Variants in CNOT1 observed in about 807,000 individuals in gnomAD.
CNOT1 encodes CCR4-associated factor 1.
In CNOT1, 15 loss-of-function variants were observed where a neutral mutation model predicts 273.8. The observed-to-expected ratio is 0.05, with a 90% CI of 0.04 to 0.08. CNOT1 has a LOEUF of 0.08. Among genes scored for constraint, CNOT1 ranks in the 10% least tolerant of loss-of-function variants. The pLI is 1.00. For synonymous variants in CNOT1, 1,022 were observed against 1,005.5 expected, an observed-to-expected ratio of 1.02 and a Z score of -0.31; for missense variants, 1,644 against 2,912.2, an observed-to-expected ratio of 0.56 and a Z score of 10.02.
At chr16:58,581,240 C>T in intron 11 of CNOT1, 105 bp downstream of exon 11, 1 of 1,346,440 alleles carries the variant, frequency 7.4e-7, no homozygotes. Flanking sequence ...CTATGTATAA[C>T]AAATTCTACT....
chr16:58,560,103 G>A (rs1451514432), intron 17 of CNOT1, 109 bp downstream of exon 17: 7 of 1,534,066 alleles, frequency 4.6e-6, no homozygotes, highest in African/African-American at 1.4e-5. Flanking sequence ...TGCTAGACAT[G>A]CAGTTATCTA....
At chr16:58,601,202 T>A (rs998136494) in intron 1 of CNOT1, among the ~76,000 whole-genome samples, 5 of 152,192 alleles carry the variant, frequency 3.3e-5, no homozygotes, top group Admixed American at 6.6e-5. Context: ...GCGATCCACC[T>A]GCTTCGGCCT....
intron 42 of CNOT1, chr16:58,530,558 G>A (rs2039746305): frequency 2.8e-6 from 1 of 358,924 alleles, no homozygotes; most frequent in Non-Finnish European, 5.0e-6. Flanking sequence ...CAAGGCCAGT[G>A]GATCACTTGA....
chr16:58,616,219 C>A (rs536079056), intron 1 of CNOT1, among the ~76,000 whole-genome samples: 2 of 125,376 alleles, frequency 1.6e-5, no homozygotes, highest in African/African-American at 5.4e-5. Flanking sequence ...CAATTCTCTG[C>A]CTCAGCCTCC....
intron 30 of CNOT1, among the ~76,000 whole-genome samples, chr16:58,544,447 TA>T (rs34338861): frequency 0.5 from 73,908 of 147,628 alleles, 18,631 homozygotes; most frequent in East Asian, 0.71. Context: ...CTTGTTGAAT[TA>T]AAAAAAAAAA....
At chr16:58,560,489 G>C (rs543101829) in intron 16 of CNOT1, 127 bp from the exon 17 acceptor site, 1 of 1,430,724 alleles carries the variant, frequency 7.0e-7, no homozygotes, top group African/African-American at 1.4e-5. Context: ...CTGGAGTGCA[G>C]TAGCACGATA....
intron 34 of CNOT1, among the ~76,000 whole-genome samples, chr16:58,540,601 C>T (rs945988828): frequency 6.6e-6 from 1 of 152,158 alleles, no homozygotes; most frequent in Non-Finnish European, 1.5e-5. Context: ...GATTCTAAAA[C>T]AGGTCTTTTA....
intron 17 of CNOT1, chr16:58,559,984 A>C: frequency 8.0e-7 from 1 of 1,243,916 alleles, no homozygotes; most frequent in Non-Finnish European, 1.1e-6. Flanking sequence ...CTCTTCATTT[A>C]CCTAAATAAA....
At chr16:58,575,366 C>T (rs1321894008) in intron 14 of CNOT1, among the ~76,000 whole-genome samples, 4 of 152,064 alleles carry the variant, frequency 2.6e-5, no homozygotes, top group Non-Finnish European at 4.4e-5. Flanking sequence ...CAAACTTTAC[C>T]GTGCTCTTTA....
At chr16:58,561,637 G>C (rs530501732) in intron 16 of CNOT1, among the ~76,000 whole-genome samples, 1 of 152,172 alleles carries the variant, frequency 6.6e-6, no homozygotes, top group East Asian at 1.9e-4. Flanking sequence ...CTGAGAATCT[G>C]AATACCAAAC....
intron 10 of CNOT1, 67 bp downstream of exon 10, chr16:58,582,726 A>G: frequency 1.1e-6 from 1 of 940,572 alleles, no homozygotes. Context: ...AATTCTTAAA[A>G]ATTTGCTTTC....
At chr16:58,627,356 T>C (rs535549962) in intron 1 of CNOT1, among the ~76,000 whole-genome samples, 29 of 135,594 alleles carry the variant, frequency 2.1e-4, no homozygotes, top group African/African-American at 7.7e-4. Flanking sequence ...TGAACCGAGA[T>C]TGTGTGCTGC....
chr16:58,622,212 G>T (rs1212747894), intron 1 of CNOT1, among the ~76,000 whole-genome samples: 2 of 151,334 alleles, frequency 1.3e-5, no homozygotes, highest in African/African-American at 4.9e-5. Context: ...TACTAGGGAT[G>T]CTGAGGCAGG....
intron 1 of CNOT1, among the ~76,000 whole-genome samples, chr16:58,603,978 G>A (rs1412486092): frequency 6.6e-6 from 1 of 152,144 alleles, no homozygotes; most frequent in Non-Finnish European, 1.5e-5. Flanking sequence ...ATGTCCCATA[G>A]TAAGAACTCA....
At chr16:58,579,941 A>G (rs2041597572) in intron 12 of CNOT1, among the ~76,000 whole-genome samples, 1 of 152,136 alleles carries the variant, frequency 6.6e-6, no homozygotes. Context: ...CAGGTGCTGT[A>G]GCTCACACCT....
chr16:58,587,117 A>C, intron 6 of CNOT1, 84 bp downstream of exon 6: 1 of 1,504,970 alleles, frequency 6.6e-7, no homozygotes, highest in East Asian at 2.3e-5. Flanking sequence ...CTTACTCTCT[A>C]AGTCTAAATC....
In CNOT1 at chr16:58,530,338, T is replaced by C. The variant is rs750989114; in HGVS notation, c.6187A>G (p.Met2063Val). ...AHTPQQKGWP[M>V]YAQLLIDLFK... ...AAATCAATCAGTAGCTGTGCATACA[T>C]AGGCCACCCCTGAAAGAAAGAAATG... Residue 2063 changes from methionine (M) to valine (V), a missense_variant, in exon 43 of 49, where the codon ATG becomes GTG. By Grantham distance (21) the Met-to-Val change is conservative. Transcript: ENST00000317147. 16 of 1,609,130 alleles carry C rather than the reference T, an allele frequency of 9.9e-6. No homozygotes were observed. The highest frequency in any genetic ancestry group is 4.4e-5 in the South Asian group (4 of 90,362).
intron 4 of CNOT1, 149 bp downstream of exon 4, chr16:58,587,631 C>T: frequency 2.8e-6 from 3 of 1,088,848 alleles, no homozygotes; most frequent in South Asian, 3.4e-5. Context: ...AAATGAACTG[C>T]CTTGATTTTG....
At chr16:58,627,444 G>C (rs941698274) in intron 1 of CNOT1, among the ~76,000 whole-genome samples, 1 of 128,188 alleles carries the variant, frequency 7.8e-6, no homozygotes, top group African/African-American at 3.0e-5. Flanking sequence ...AACCAGATCA[G>C]AATCTATCCT....
Sources: gnomAD v4.1 joint callset for allele counts (sites outside exome capture counted in the v4.1 genomes callset) on GRCh38, gnomAD v4.1.1 for gene constraint, MANE v1.5 for transcripts, NCBI Gene and HGNC (gene_info 2026-07-23, HGNC 2026-07-21) for gene names.